The following CDC42EP3 variants were observed in gnomAD, a reference collection of about 807,000 sequenced individuals.
CDC42EP3 encodes CDC42 effector protein (Rho GTPase binding) 3.
CDC42EP3 carries 4 observed loss-of-function variants against 15.5 expected under a neutral mutation model. That is an observed-to-expected ratio of 0.26 (90% CI 0.13 to 0.59). CDC42EP3 has a LOEUF of 0.59. CDC42EP3 is among the 20% of genes least tolerant of loss of function. The pLI, the probability that CDC42EP3 is intolerant of heterozygous loss-of-function variation, is 0.89. For missense variants in CDC42EP3, 309 were observed against 311.2 expected, an observed-to-expected ratio of 0.99 and a Z score of 0.05; for synonymous variants, 145 against 130.3, an observed-to-expected ratio of 1.11 and a Z score of -0.77.
chr2:37,656,481 T>C (rs1558340188), intron 1 of CDC42EP3, among the ~76,000 whole-genome samples: 2 of 152,214 alleles, frequency 1.3e-5, no homozygotes. Flanking sequence ...ACAGAGGCTC[T>C]CTGGAAAGTG....
chr2:37,666,172 G>A (rs1243688374), intron 1 of CDC42EP3, among the ~76,000 whole-genome samples: 5 of 152,170 alleles, frequency 3.3e-5, no homozygotes, highest in Non-Finnish European at 5.9e-5. Flanking sequence ...GACATACTGC[G>A]GTTATGTAGC....
At chr2:37,656,842 A>G (rs1323175066) in intron 1 of CDC42EP3, among the ~76,000 whole-genome samples, 2 of 152,102 alleles carry the variant, frequency 1.3e-5, no homozygotes, top group East Asian at 3.9e-4. Context: ...CAAAAATGAG[A>G]AGAAGGGTCC....
Position 37,644,678 on chromosome 2 carries a change from G to A in CDC42EP3, c.*1145C>T, listed in dbSNP as rs560503792. On this transcript the variant is annotated 3_prime_UTR_variant, in exon 2 of 2. Coordinates refer to ENST00000295324, the MANE Select transcript of CDC42EP3 (RefSeq NM_006449.5). ...TGTTCATTTTTCCAAAAGTAGAGAG[G>A]CTCAGTTTCTAGCCTCTCAAACCAT... The A allele has an allele frequency of 5.3e-5, 8 of 151,480 alleles. No individual in the cohort carries two copies. The South Asian group carries it at 1.5e-3, about 28-fold the overall frequency. The allele number at this position is 151,480 out of a possible 1,614,324, so 9.4% of individuals were successfully genotyped here.
At chr2:37,665,238 T>G (rs1666214263) in intron 1 of CDC42EP3, among the ~76,000 whole-genome samples, 1 of 152,118 alleles carries the variant, frequency 6.6e-6, no homozygotes, top group African/African-American at 2.4e-5. Flanking sequence ...AATCACAGTT[T>G]AGGGCCAGGA....
At chr2:37,653,026 T>C (rs539491748) in intron 1 of CDC42EP3, among the ~76,000 whole-genome samples, 22 of 152,326 alleles carry the variant, frequency 1.4e-4, no homozygotes, top group African/African-American at 5.1e-4. Context: ...TTCCACAAAC[T>C]TTCTCCTAGT....
intron 1 of CDC42EP3, among the ~76,000 whole-genome samples, chr2:37,664,046 T>C (rs1448032399): frequency 3.3e-5 from 5 of 152,056 alleles, no homozygotes; most frequent in Non-Finnish European, 5.9e-5. Context: ...TTGTGGAGGG[T>C]GCCTGTAGTC....
chr2:37,646,097 G>C lies in CDC42EP3; in HGVS notation c.491C>G (p.Thr164Arg), dbSNP rs982590560. The change falls in exon 2 of 2, where the codon ACA becomes AGA. Residue 164 changes from threonine to arginine, a missense_variant. Coordinates refer to ENST00000295324, the MANE Select transcript of CDC42EP3 (RefSeq NM_006449.5). ...CCACGAGGTGTCTCCCTGGTGGACT[G>C]TCCCATTCTCCAACAGACTGCTTTT... ...QEKSSLLENG[T>R]VHQGDTSWGS... is the part of the protein sequence containing the mutation. 1.9e-6 allele frequency: 3 copies of C among 1,614,082 alleles called. No homozygotes were observed. The African/African-American group carries it at 4.0e-5, about 22-fold the overall frequency.
At chr2:37,670,873 A>C (rs1032971080) in intron 1 of CDC42EP3, among the ~76,000 whole-genome samples, 2 of 152,172 alleles carry the variant, frequency 1.3e-5, no homozygotes, top group Non-Finnish European at 2.9e-5. Flanking sequence ...GAAAGGGAAG[A>C]AAACAAAAAA....
At chr2:37,657,327 C>CTT (rs1665900395) in intron 1 of CDC42EP3, among the ~76,000 whole-genome samples, 1 of 152,164 alleles carries the variant, frequency 6.6e-6, no homozygotes, top group Non-Finnish European at 1.5e-5. Context: ...AACCTTGCTA[C>CTT]TGCTTTGCTT....
At chr2:37,654,344 G>A (rs1222721018) in intron 1 of CDC42EP3, among the ~76,000 whole-genome samples, 1 of 152,166 alleles carries the variant, frequency 6.6e-6, no homozygotes, top group Non-Finnish European at 1.5e-5. Flanking sequence ...AGAAGAGGCT[G>A]AAGGAATAGA....
chr2:37,646,040 T>C lies in CDC42EP3; in HGVS notation c.548A>G (p.Gln183Arg), dbSNP rs1460962901. 6.2e-7 allele frequency: 1 copy of C among 1,614,100 alleles called. No homozygotes were observed. The highest frequency in any genetic ancestry group is 1.7e-5 in the Admixed American group (1 of 60,014). Reference sequence around the variant, plus strand: ...GCTGGAGGAGTGGCTGTCTCTGCCTTGGCTGGACTGAGATGCAGAACCGCT... The same window carrying C: ...GCTGGAGGAGTGGCTGTCTCTGCCTCGGCTGGACTGAGATGCAGAACCGCT... ...GSSGSASQSS[Q>R]GRDSHSSSLS... The change falls in exon 2 of 2, where the codon CAA (glutamine) becomes CGA (arginine). Residue 183 changes from glutamine to arginine, a missense_variant. Gln to Arg is a conservative substitution (Grantham distance 43). Coordinates refer to ENST00000295324, the MANE Select transcript of CDC42EP3 (RefSeq NM_006449.5).
intron 1 of CDC42EP3, among the ~76,000 whole-genome samples, chr2:37,652,131 T>C (rs1273732066): frequency 4.1e-5 from 5 of 121,630 alleles, no homozygotes; most frequent in Admixed American, 2.2e-4. Flanking sequence ...GCCAAGATCG[T>C]GCCACTGCAC....
chr2:37,668,448 G>A (rs746600109), intron 1 of CDC42EP3, among the ~76,000 whole-genome samples: 3 of 152,140 alleles, frequency 2.0e-5, no homozygotes, highest in Non-Finnish European at 4.4e-5. Context: ...TTTTACAAAG[G>A]ATAAACTGAG....
At chr2:37,665,039 C>T (rs1666207904) in intron 1 of CDC42EP3, among the ~76,000 whole-genome samples, 2 of 152,160 alleles carry the variant, frequency 1.3e-5, no homozygotes, top group Admixed American at 1.3e-4. Flanking sequence ...AACAAACCTG[C>T]ACATGTAGCC....
chr2:37,656,750 C>G (rs1665860191), intron 1 of CDC42EP3, among the ~76,000 whole-genome samples: 1 of 152,162 alleles, frequency 6.6e-6, no homozygotes, highest in Non-Finnish European at 1.5e-5. Context: ...ATCTTGAAGT[C>G]TGACAGCACC....
In CDC42EP3 at chr2:37,646,754, G is replaced by T. The variant is rs953946548; in HGVS notation, c.-167C>A. The T allele has an allele frequency of 3.0e-6, 2 of 666,174 alleles. No individual in the cohort carries two copies. Among genetic ancestry groups the T allele is most frequent in the East Asian group, 2.9e-5 (1 of 35,026 alleles). The allele number at this position is 666,174 out of a possible 1,614,324, so 41.3% of individuals were successfully genotyped here. ...TGGGGTCAAAGAGAACCTTCCTGAG[G>T]TTACGGCCAAGTGAGGCTTCCTAGA... On this transcript the variant is annotated 5_prime_UTR_variant, in exon 2 of 2. Transcript: ENST00000295324.
intron 1 of CDC42EP3, among the ~76,000 whole-genome samples, chr2:37,666,187 G>C (rs1450759660): frequency 6.6e-6 from 1 of 152,176 alleles, no homozygotes; most frequent in African/African-American, 2.4e-5. Context: ...TGTAGCTTCT[G>C]TTCTGTGTTT....
rs142876987 is a variant in CDC42EP3 at position 37,667,041 on chromosome 2, C to G, written c.-236+4385G>C. On this transcript the variant is annotated intron_variant, in intron 1 of 1. Transcript: ENST00000295324. ...AGAACCCTGTTTCCATCTGAGAAGTCTCTGGAGCTGATCCCCACAGCTAAT... is the reference window on the plus strand; with the variant it reads ...AGAACCCTGTTTCCATCTGAGAAGTGTCTGGAGCTGATCCCCACAGCTAAT... Among the ~76,000 whole-genome samples the G allele has an allele frequency of 1.4e-4, 21 of 152,264 alleles. No homozygotes were observed. In the East Asian group the frequency reaches 3.3e-3, roughly 24 times the overall value.
At chr2:37,659,137 A>G (rs984350589) in intron 1 of CDC42EP3, among the ~76,000 whole-genome samples, 1 of 152,182 alleles carries the variant, frequency 6.6e-6, no homozygotes, top group East Asian at 1.9e-4. Context: ...CTCTTCCCCA[A>G]TCAGGCTATA....
Sources: gnomAD v4.1 joint callset for allele counts (sites outside exome capture counted in the v4.1 genomes callset) on GRCh38, gnomAD v4.1.1 for gene constraint, MANE v1.5 for transcripts, NCBI Gene and HGNC (gene_info 2026-07-23, HGNC 2026-07-21) for gene names.